Variants in TMEM51 observed in about 807,000 individuals in gnomAD.
TMEM51 encodes chromosome 1 open reading frame 72.
TMEM51 carries 8 observed loss-of-function variants against 13.6 expected under a neutral mutation model. That is an observed-to-expected ratio of 0.59 (90% CI 0.35 to 1.07). The LOEUF (loss-of-function observed/expected upper bound fraction) is 1.07, where lower values mean the gene tolerates loss of function less well. TMEM51 is among the 50% of genes least tolerant of loss of function. The pLI, the probability that TMEM51 is intolerant of heterozygous loss-of-function variation, is 0.02. For synonymous variants in TMEM51, 147 were observed against 144.4 expected (o/e 1.02, Z -0.13); for missense variants, 279 against 330.7 (o/e 0.84, Z 1.21).
At position 15,201,502 on chromosome 1, in the gene TMEM51, A is replaced by G. The variant is rs138905035; in HGVS notation, c.-266-8988A>G. ...GTAAGGCACCCAGCACTGGCATTTC[A>G]TAGGAGCTTAGGAGAATGTTCACTG... On this transcript the variant is annotated intron_variant, in intron 1 of 3. Coordinates refer to ENST00000376008, the MANE Select transcript of TMEM51 (RefSeq NM_001136218.2). Among the ~76,000 whole-genome samples the G allele has an allele frequency of 2.8e-3, 430 of 152,234 alleles. 2 individuals carry two copies. The highest frequency in any genetic ancestry group is 9.7e-3 in the African/African-American group (403 of 41,560).
chr1:15,216,782 A>G (rs1442382799), intron 3 of TMEM51, among the ~76,000 whole-genome samples: 2 of 152,346 alleles, frequency 1.3e-5, no homozygotes, highest in East Asian at 1.9e-4. Context: ...CTGTTGATCT[A>G]TATTTGTTAA....
chr1:15,206,483 G>A lies in TMEM51; in HGVS notation c.-266-4007G>A, dbSNP rs183037103. 3.1e-3 allele frequency among the ~76,000 whole-genome samples: 472 copies of A among 152,268 alleles called. 2 individuals are homozygous for A. Among genetic ancestry groups the A allele is most frequent in the Non-Finnish European group, 5.1e-3 (347 of 68,026 alleles). ...CAGGGACTCAGCTTTGTGGGAACCC[G>A]CATAGTGCAGGCACAGGTGGACTTC... On this transcript the variant is annotated intron_variant, in intron 1 of 3. Transcript: ENST00000376008.
At chr1:15,193,983 A>G (rs1385852977) in intron 1 of TMEM51, among the ~76,000 whole-genome samples, 6 of 152,186 alleles carry the variant, frequency 3.9e-5, no homozygotes, top group Non-Finnish European at 8.8e-5. Flanking sequence ...CTACTGATTC[A>G]CTCAACAGAT....
intron 1 of TMEM51, among the ~76,000 whole-genome samples, chr1:15,193,963 G>T (rs943356608): frequency 6.6e-6 from 1 of 152,208 alleles, no homozygotes; most frequent in Non-Finnish European, 1.5e-5. Flanking sequence ...CCACTCTACT[G>T]CTAAGCCAAC....
At chr1:15,199,965 C>T (rs547330295) in intron 1 of TMEM51, among the ~76,000 whole-genome samples, 4 of 152,178 alleles carry the variant, frequency 2.6e-5, no homozygotes, top group Admixed American at 6.5e-5. Context: ...TGTGAGCACT[C>T]GGCCCAGGGT....
chr1:15,183,942 C>T (rs780373709), intron 1 of TMEM51, among the ~76,000 whole-genome samples: 3 of 152,198 alleles, frequency 2.0e-5, no homozygotes, highest in African/African-American at 2.4e-5. Context: ...TGAAGGTGCA[C>T]GTGCCTCCTG....
At chr1:15,168,600 G>C in intron 1 of TMEM51, 13 of 1,304,588 alleles carry the variant, frequency 1.0e-5, no homozygotes, top group Non-Finnish European at 1.2e-5. Flanking sequence ...TGAGCCAAGA[G>C]AGACGAAGGC....
chr1:15,198,914 A>G (rs2179650), intron 1 of TMEM51, among the ~76,000 whole-genome samples: 93,528 of 151,956 alleles, frequency 0.62, 29,331 homozygotes, highest in East Asian at 0.93. Context: ...CAGGAGGTCA[A>G]CCCCGTTTCC....
In TMEM51 at chr1:15,161,947, T is replaced by G. The variant is rs999781407; in HGVS notation, c.-267+7993T>G. Among the ~76,000 whole-genome samples the G allele has an allele frequency of 6.6e-6, 1 of 151,440 alleles. No individual in the cohort carries two copies. The highest frequency in any genetic ancestry group is 1.5e-5 in the Non-Finnish European group (1 of 67,896). On this transcript the variant is annotated intron_variant, in intron 1 of 3. Coordinates refer to ENST00000376008, the MANE Select transcript of TMEM51 (RefSeq NM_001136218.2). This position sits in a 1 kb window ranked among gnomAD's most constrained non-coding sequence, Gnocchi z 4.0. ...CATCTCAAAAAAAGAGAGAAAGAGG[T>G]TTATTTAGCCCATGGCATCTCAGAT...
At chr1:15,185,550 T>C (rs1158938029) in intron 1 of TMEM51, among the ~76,000 whole-genome samples, 4 of 152,264 alleles carry the variant, frequency 2.6e-5, no homozygotes, top group Non-Finnish European at 4.4e-5. Flanking sequence ...TTTCAGATTT[T>C]CAGTTTAATA....
At position 15,219,865 on chromosome 1, in the gene TMEM51, A is replaced by G; in HGVS notation, c.*122A>G. On this transcript the variant is annotated 3_prime_UTR_variant, in exon 4 of 4. Coordinates refer to ENST00000376008, the MANE Select transcript of TMEM51 (RefSeq NM_001136218.2). ...GCCAGCTGTGCATGGAGCCATTTGG[A>G]TGGCGGCGGGCGGGGGGGGATTCTC... The G allele has an allele frequency of 8.8e-7, 1 of 1,135,964 alleles. No homozygotes were observed. The highest frequency in any genetic ancestry group is 1.2e-6 in the Non-Finnish European group (1 of 813,416). 70.4% of individuals were successfully genotyped at this position (1,135,964 alleles called of 1,614,324 possible).
chr1:15,155,506 G>T lies in TMEM51; in HGVS notation c.-267+1552G>T. Among the ~76,000 whole-genome samples the T allele has an allele frequency of 1.3e-5, 2 of 152,356 alleles. 1 individual carries two copies. Among genetic ancestry groups the T allele is most frequent in the Admixed American group, 1.3e-4 (2 of 15,306 alleles). On this transcript the variant is annotated intron_variant, in intron 1 of 3. Coordinates refer to ENST00000376008, the MANE Select transcript of TMEM51 (RefSeq NM_001136218.2). ...GTAAGTTATGTCACAGGGCTTAGAC[G>T]AGAACAGAAGAAAGGAAATAACTCA...
chr1:15,163,603 G>C (rs560135025), intron 1 of TMEM51, among the ~76,000 whole-genome samples: 11 of 137,730 alleles, frequency 8.0e-5, no homozygotes, highest in Admixed American at 2.9e-4. Flanking sequence ...AACAGTTAAT[G>C]AGTATAAGGA....
Position 15,219,693 on chromosome 1 carries a change from C to A in TMEM51, c.712C>A (p.Gln238Lys). Residue 238 changes from glutamine to lysine, a missense_variant, in exon 4 of 4, where the codon CAG becomes AAG. By Grantham distance (53) the Gln-to-Lys change is moderately conservative. Coordinates refer to ENST00000376008, the MANE Select transcript of TMEM51 (RefSeq NM_001136218.2). Reference protein sequence around the residue: ...PSIEPLTPPPQYDEVQEKAPD... With the variant: ...PSIEPLTPPPKYDEVQEKAPD... ...GATAGAGCCTTTGACTCCTCCACCG[C>A]AGTATGATGAAGTCCAGGAGAAGGC... 6.2e-7 allele frequency: 1 copy of A among 1,613,872 alleles called. No homozygotes were observed. The highest frequency in any genetic ancestry group is 1.1e-5 in the South Asian group (1 of 91,080).
intron 1 of TMEM51, among the ~76,000 whole-genome samples, chr1:15,172,701 G>A (rs1165110428): frequency 6.6e-6 from 1 of 152,146 alleles, no homozygotes; most frequent in Non-Finnish European, 1.5e-5. Context: ...GTTACCCATA[G>A]CCAACTACAA....
chr1:15,193,575 C>CTTTTTTTTTTTT lies in TMEM51; in HGVS notation c.-266-16906_-266-16895dup, dbSNP rs3078881. 7.3e-4 allele frequency among the ~76,000 whole-genome samples: 84 copies of CTTTTTTTTTTTT among 114,642 alleles called. 5 individuals carry two copies. Among genetic ancestry groups the CTTTTTTTTTTTT allele is most frequent in the African/African-American group, 2.0e-3 (57 of 28,070 alleles). 75.2% of individuals were successfully genotyped at this position (114,642 alleles called of 152,430 possible). ...CATTTTCTTTTTCTTTTCTTTCTTT[C>CTTTTTTTTTTTT]TTTTTTTTTTTTTTTTTTTTGAGAC... On this transcript the variant is annotated intron_variant, in intron 1 of 3. Coordinates refer to ENST00000376008, the MANE Select transcript of TMEM51 (RefSeq NM_001136218.2).
chr1:15,218,965 G>A (rs1175041586), intron 3 of TMEM51, among the ~76,000 whole-genome samples: 1 of 152,210 alleles, frequency 6.6e-6, no homozygotes, highest in Non-Finnish European at 1.5e-5. Flanking sequence ...ACAAGAAGCA[G>A]TGCCCTTCAA....
At chr1:15,169,971 T>C (rs538221351) in intron 1 of TMEM51, among the ~76,000 whole-genome samples, 2 of 152,372 alleles carry the variant, frequency 1.3e-5, no homozygotes, top group South Asian at 4.1e-4. Flanking sequence ...CAGAGAAACA[T>C]GTATGACTTT....
At chr1:15,186,600 G>A (rs1643784104) in intron 1 of TMEM51, among the ~76,000 whole-genome samples, 1 of 152,200 alleles carries the variant, frequency 6.6e-6, no homozygotes, top group Admixed American at 6.5e-5. Flanking sequence ...ATGGGGTTGT[G>A]TATTGAGTGG....
Sources: gnomAD v4.1 joint callset for allele counts (sites outside exome capture counted in the v4.1 genomes callset) on GRCh38, gnomAD v4.1.1 for gene constraint, Gnocchi (gnomAD v3.1) non-coding constraint, MANE v1.5 for transcripts, NCBI Gene and HGNC (gene_info 2026-07-23, HGNC 2026-07-21) for gene names.